SORCS2: variants seen among roughly 807,000 people sequenced by gnomAD.
The protein encoded by SORCS2 is VPS10 domain-containing receptor SorCS2.
In SORCS2, 100 loss-of-function variants were observed where a neutral mutation model predicts 141.6. That is an observed-to-expected ratio of 0.71 (90% confidence interval 0.60 to 0.83). The LOEUF is 0.83. Ranked by LOEUF, SORCS2 falls within the 40% of genes least tolerant of loss-of-function variation. The pLI, the probability that SORCS2 is intolerant of heterozygous loss-of-function variation, is 0.00. For synonymous variants in SORCS2, 789 were observed against 676.9 expected (o/e 1.17, Z -2.57); for missense variants, 1,646 against 1,560.2 (o/e 1.05, Z -0.93).
intron 15 of SORCS2, 114 bp downstream of exon 15, chr4:7,712,967 A>G: frequency 1.4e-6 from 2 of 1,435,346 alleles, no homozygotes; most frequent in Non-Finnish European, 1.9e-6. Context: ...CCCGCCTCCA[A>G]GAAGTCTTCA....
intron 2 of SORCS2, among the ~76,000 whole-genome samples, chr4:7,424,915 C>A (rs986738805): frequency 6.6e-6 from 1 of 152,224 alleles, no homozygotes; most frequent in Non-Finnish European, 1.5e-5. Context: ...GAGGGGCAGG[C>A]ACTCTGCTCC....
intron 1 of SORCS2, among the ~76,000 whole-genome samples, chr4:7,294,422 G>C (rs994490902): frequency 6.6e-6 from 1 of 152,024 alleles, no homozygotes; most frequent in Non-Finnish European, 1.5e-5. Flanking sequence ...CCCCGCAGCC[G>C]ACCTTCTGGG....
chr4:7,564,584 G>A (rs1485207519), intron 3 of SORCS2, among the ~76,000 whole-genome samples: 2 of 152,232 alleles, frequency 1.3e-5, no homozygotes, highest in Non-Finnish European at 1.5e-5. Context: ...ACTGGGTGGT[G>A]GCATGCCTGC....
In SORCS2 at chr4:7,726,905, T is replaced by C; in HGVS notation, c.2869+2T>C. ...ACTCCAGGGTCCTCCGTGTGCTGGG[T>C]AAGTACTTCCTGGGGTCTGGCAGCA... On this transcript the variant is annotated splice_donor_variant, in intron 21 of 26. Coordinates refer to ENST00000507866, the MANE Select transcript of SORCS2 (RefSeq NM_020777.3). LOFTEE classifies it high-confidence loss of function. The C allele has an allele frequency of 6.2e-7, 1 of 1,611,584 alleles. No homozygotes were observed. Among genetic ancestry groups the C allele is most frequent in the South Asian group, 1.1e-5 (1 of 90,924 alleles).
intron 5 of SORCS2, among the ~76,000 whole-genome samples, chr4:7,657,641 G>C (rs13146165): frequency 1.3e-5 from 2 of 152,146 alleles, no homozygotes; most frequent in Non-Finnish European, 2.9e-5. Context: ...TAGTGAGTGA[G>C]TGAATGAGTG....
chr4:7,523,253 T>TCGATCCA (rs1733455387), intron 2 of SORCS2, among the ~76,000 whole-genome samples: 1 of 152,094 alleles, frequency 6.6e-6, no homozygotes, highest in African/African-American at 2.4e-5. Flanking sequence ...GTACAGGAAT[T>TCGATCCA]CGATCCACGA....
At chr4:7,324,650 C>T (rs578186116) in intron 1 of SORCS2, among the ~76,000 whole-genome samples, 97 of 152,308 alleles carry the variant, frequency 6.4e-4, no homozygotes, top group Non-Finnish European at 1.2e-3. Context: ...GCCACCAGGC[C>T]AGGCGATGGG....
At chr4:7,454,240 G>T (rs1444101646) in intron 2 of SORCS2, among the ~76,000 whole-genome samples, 2 of 130,322 alleles carry the variant, frequency 1.5e-5, no homozygotes, top group Admixed American at 1.5e-4. Context: ...GTCAGGTGCT[G>T]TGTGTTGGGG....
intron 9 of SORCS2, among the ~76,000 whole-genome samples, chr4:7,681,470 G>C (rs555670424): frequency 7.9e-5 from 12 of 152,336 alleles, no homozygotes; most frequent in African/African-American, 2.9e-4. Flanking sequence ...GAATGCCGGT[G>C]CCTCTAGAAG....
chr4:7,609,030 G>A (rs987730008), intron 3 of SORCS2, among the ~76,000 whole-genome samples: 7 of 152,110 alleles, frequency 4.6e-5, no homozygotes, highest in African/African-American at 1.4e-4. Flanking sequence ...GGTTCTGAGC[G>A]GTCCTGGGGA....
chr4:7,307,510 C>T (rs752269252), intron 1 of SORCS2, among the ~76,000 whole-genome samples: 29 of 152,276 alleles, frequency 1.9e-4, no homozygotes, highest in African/African-American at 3.4e-4. Flanking sequence ...CTGCCCTGGC[C>T]GCTTGGGGGT....
At chr4:7,566,050 T>C (rs1409315366) in intron 3 of SORCS2, among the ~76,000 whole-genome samples, 13 of 146,830 alleles carry the variant, frequency 8.9e-5, no homozygotes, top group African/African-American at 3.4e-4. Flanking sequence ...ATGATGGCGA[T>C]GGTGATGATG....
chr4:7,523,940 G>T (rs545324043), intron 2 of SORCS2, among the ~76,000 whole-genome samples: 34 of 152,352 alleles, frequency 2.2e-4, no homozygotes, highest in African/African-American at 8.2e-4. Flanking sequence ...TCTTCCTGGG[G>T]ATGACGCACT....
chr4:7,270,262 C>T (rs1323252408), intron 1 of SORCS2, among the ~76,000 whole-genome samples: 1 of 152,240 alleles, frequency 6.6e-6, no homozygotes, highest in Non-Finnish European at 1.5e-5. Flanking sequence ...CAGGCGGCAC[C>T]AGGAGCTGAC....
intron 2 of SORCS2, among the ~76,000 whole-genome samples, chr4:7,493,243 G>A (rs1731415738): frequency 6.6e-6 from 1 of 152,216 alleles, no homozygotes; most frequent in Admixed American, 6.5e-5. Flanking sequence ...TGTGACCCTG[G>A]ATGGGACCAA....
chr4:7,352,088 G>A (rs1056740032), intron 1 of SORCS2, among the ~76,000 whole-genome samples: 1 of 152,056 alleles, frequency 6.6e-6, no homozygotes, highest in Non-Finnish European at 1.5e-5. Flanking sequence ...ATGCAGTGAT[G>A]GACAAGTCAG....
intron 3 of SORCS2, among the ~76,000 whole-genome samples, chr4:7,634,307 A>G (rs1394903812): frequency 6.6e-6 from 1 of 151,718 alleles, no homozygotes; most frequent in African/African-American, 2.4e-5. Flanking sequence ...TGGGAGGCAG[A>G]GTTTGCGGTA....
rs764006937 is a variant in SORCS2, at chr4:7,689,579, A to T, written c.1582A>T (p.Met528Leu). 1.9e-6 allele frequency: 3 copies of T among 1,591,922 alleles called. No individual in the cohort carries two copies. Among genetic ancestry groups the T allele is most frequent in the Non-Finnish European group, 2.6e-6 (3 of 1,169,660 alleles). Residue 528 changes from methionine to leucine, a missense_variant, in exon 11 of 27, where the codon ATG becomes TTG. Transcript: ENST00000507866. The stretch of plus-strand genomic sequence containing the variant: ...CAAGGACACCGCCCCAGGCCTCATC[A>T]TGGGTGCAGGTAGGTGGCTTCCATC... Reference protein sequence around the residue: ...HTKDTAPGLIMGAGNLGSQLV... With the variant: ...HTKDTAPGLILGAGNLGSQLV...
At chr4:7,202,347 G>A (rs564978405) in intron 1 of SORCS2, among the ~76,000 whole-genome samples, 1 of 152,296 alleles carries the variant, frequency 6.6e-6, no homozygotes, top group South Asian at 2.1e-4. Context: ...AGTGAGTGAG[G>A]ACTCTCCTTG....
Sources: gnomAD v4.1 joint callset for allele counts (sites outside exome capture counted in the v4.1 genomes callset) on GRCh38, gnomAD v4.1.1 for gene constraint, MANE v1.5 for transcripts, NCBI Gene and HGNC (gene_info 2026-07-23, HGNC 2026-07-21) for gene names.